Variants in DEPDC1 observed in about 807,000 individuals in gnomAD.
DEPDC1 encodes the protein DEP domain containing 1.
DEPDC1 carries 66 observed loss-of-function variants against 86.8 expected under a neutral mutation model. The ratio of observed to expected loss-of-function variants is 0.76; its 90% CI spans 0.62 to 0.93. DEPDC1 has a LOEUF of 0.93. Among genes scored for constraint, DEPDC1 ranks in the 40% least tolerant of loss-of-function variants. The pLI is 0.00. For missense variants in DEPDC1, 792 were observed against 935.7 expected (o/e 0.85, Z 2.00); for synonymous variants, 255 against 314.9 (o/e 0.81, Z 2.02).
intron 10 of DEPDC1, among the ~76,000 whole-genome samples, chr1:68,478,560 T>C (rs887358116): frequency 2.6e-5 from 4 of 151,768 alleles, no homozygotes; most frequent in Admixed American, 6.6e-5. Flanking sequence ...ATTAGAATGG[T>C]ATGTATGGGA....
Position 68,484,109 on chromosome 1 carries a change from G to C in DEPDC1, c.770-19C>G. The C allele has an allele frequency of 6.6e-7, 1 of 1,505,500 alleles. No individual in the cohort carries two copies. The allele number at this position is 1,505,500 out of a possible 1,614,324, so 93.3% of individuals were successfully genotyped here. ...CTTGGCCCTAAGAAGTAGAAGGCAA[G>C]AGAAAAAGGTAAAGTATATTTTAAT... On this transcript the variant is annotated intron_variant, in intron 6 of 11. Coordinates refer to ENST00000456315, the MANE Select transcript of DEPDC1 (RefSeq NM_001114120.3).
chr1:68,486,874 T>A, intron 6 of DEPDC1, 63 bp downstream of exon 6: 1 of 1,310,426 alleles, frequency 7.6e-7, no homozygotes, highest in Non-Finnish European at 9.8e-7. Flanking sequence ...TTAAATACTA[T>A]CAATATAACA....
chr1:68,481,593 TAAATGAGGTTGC>T lies in DEPDC1; in HGVS notation c.1770_1781del (p.Gln591_Leu594del), dbSNP rs1299476697. 1 of 1,600,614 alleles carries T rather than the reference TAAATGAGGTTGC, an allele frequency of 6.2e-7. No individual in the cohort carries two copies. The highest frequency in any genetic ancestry group is 8.5e-7 in the Non-Finnish European group (1 of 1,173,590). On this transcript the variant is annotated inframe_deletion, in exon 9 of 12. Transcript: ENST00000456315. ...GTAGAGCATCGATGGCAACCCTCTC[TAAATGAGGTTGC>T]AGCAAGCCTAGAATACAAAAATACC...
intron 10 of DEPDC1, among the ~76,000 whole-genome samples, chr1:68,478,933 T>C (rs893563128): frequency 2.7e-5 from 4 of 150,280 alleles, no homozygotes; most frequent in African/African-American, 7.3e-5. Flanking sequence ...GAAGGAGCCA[T>C]TGTCAAACAC....
intron 1 of DEPDC1, among the ~76,000 whole-genome samples, chr1:68,495,950 G>A (rs772726185): frequency 2.6e-5 from 4 of 152,168 alleles, no homozygotes; most frequent in Non-Finnish European, 4.4e-5. Flanking sequence ...ACTACTGATT[G>A]AGGTTCCTTC....
rs189472416 is a variant in DEPDC1, at chr1:68,492,493, G to C, written c.314+1937C>G. On this transcript the variant is annotated intron_variant, in intron 2 of 11. Transcript: ENST00000456315. ...AGGTCAAGGTGGGTGGATCCCTTGA[G>C]CTCAGGAGTTTGAGACCAGCCTGGG... Among the ~76,000 whole-genome samples the C allele has an allele frequency of 2.0e-5, 3 of 152,048 alleles. No homozygotes were observed. The East Asian group carries it at 5.8e-4, about 30-fold the overall frequency.
intron 9 of DEPDC1, among the ~76,000 whole-genome samples, chr1:68,480,656 T>A (rs1356142357): frequency 6.6e-6 from 1 of 151,998 alleles, no homozygotes. Context: ...ACCTTCCCAG[T>A]CATGTCTCTG....
In DEPDC1 at chr1:68,481,429, A is replaced by C; in HGVS notation, c.1935+11T>G. Reference sequence around the variant, plus strand: ...AATCAGACTTATTCTTTCTATAAGAAATCAACTTACCAGTGACCTCGTACC... The same window carrying C: ...AATCAGACTTATTCTTTCTATAAGACATCAACTTACCAGTGACCTCGTACC... On this transcript the variant is annotated intron_variant, in intron 9 of 11. Transcript: ENST00000456315. 1 of 1,605,336 alleles carries C rather than the reference A, an allele frequency of 6.2e-7. No homozygotes were observed. The highest frequency in any genetic ancestry group is 1.3e-5 in the African/African-American group (1 of 74,580).
chr1:68,480,467 A>G (rs1305903173), intron 9 of DEPDC1, among the ~76,000 whole-genome samples: 2 of 151,990 alleles, frequency 1.3e-5, no homozygotes, highest in African/African-American at 2.4e-5. Context: ...TTAGCCTTGT[A>G]GAGCTCATCT....
In DEPDC1 at chr1:68,474,230, T is replaced by TG. The variant is rs1172843587; in HGVS notation, c.*2701dup. On this transcript the variant is annotated 3_prime_UTR_variant, in exon 12 of 12. Coordinates refer to ENST00000456315, the MANE Select transcript of DEPDC1 (RefSeq NM_001114120.3). Reference sequence around the variant, plus strand: ...GAGGAAAGGACATAAAAATCAAGCGTGGGCTTGCTAAATTCAAGATTTAAA... The same window carrying TG: ...GAGGAAAGGACATAAAAATCAAGCGTGGGGCTTGCTAAATTCAAGATTTAAA... The TG allele has an allele frequency of 1.3e-5, 2 of 152,076 alleles. No individual in the cohort carries two copies. Among genetic ancestry groups the TG allele is most frequent in the African/African-American group, 4.8e-5 (2 of 41,426 alleles). The allele number at this position is 152,076 out of a possible 1,614,324, so 9.4% of individuals were successfully genotyped here. A position where few individuals can be genotyped will look rare whatever the true frequency, so the allele number is the denominator to read the frequency against.
Position 68,477,808 on chromosome 1 carries a change from C to T in DEPDC1, c.2277G>A (p.Glu759=), listed in dbSNP as rs1426261762. ...TTACCTGTTTTAGTTTTTTTCTTTT[C>T]TCCTTTAGAGGTAAACTCCTGTTTT... ...IIKNRSLPLK[E]KRKKLKQFQK... is the part of the protein sequence containing the mutation. Residue 759 remains glutamate, a synonymous_variant, in exon 11 of 12, where the codon GAG becomes GAA. Coordinates refer to ENST00000456315, the MANE Select transcript of DEPDC1 (RefSeq NM_001114120.3). 1 of 1,514,596 alleles carries T rather than the reference C, an allele frequency of 6.6e-7. No homozygotes were observed. Among genetic ancestry groups the T allele is most frequent in the Non-Finnish European group, 8.9e-7 (1 of 1,129,920 alleles). 93.8% of individuals were successfully genotyped at this position (1,514,596 alleles called of 1,614,324 possible).
Position 68,489,553 on chromosome 1 carries a change from T to C in DEPDC1, c.370A>G (p.Lys124Glu). ...TLPRRYPELR[K>E]NNIENFSKDK... is the part of the protein sequence containing the mutation. ...TTGGAAAAGTTCTCTATGTTGTTTT[T>C]TCTCAATTCTGGATACCTTCGTGGT... The change falls in exon 3 of 12, where the codon AAA becomes GAA. Residue 124 changes from lysine to glutamate, a missense_variant. Coordinates refer to ENST00000456315, the MANE Select transcript of DEPDC1 (RefSeq NM_001114120.3). 2 of 1,543,702 alleles carry C rather than the reference T, an allele frequency of 1.3e-6. No homozygotes were observed. Among genetic ancestry groups the C allele is most frequent in the Non-Finnish European group, 1.7e-6 (2 of 1,155,808 alleles).
Position 68,488,883 on chromosome 1 carries a change from C to T in DEPDC1, c.590+33G>A, listed in dbSNP as rs75920332. 280 of 1,239,666 alleles carry T rather than the reference C, an allele frequency of 2.3e-4. 2 individuals are homozygous for T. The East Asian group carries it at 6.4e-3, about 28-fold the overall frequency. The allele number at this position is 1,239,666 out of a possible 1,614,324, so 76.8% of individuals were successfully genotyped here. A position where few individuals can be genotyped will look rare whatever the true frequency, so the allele number is the denominator to read the frequency against. On this transcript the variant is annotated intron_variant, in intron 4 of 11. Transcript: ENST00000456315. ...TGTCAAATTAATAATCAGAACACAT[C>T]AGGAACTTCATTAAAGCTTAATTTT...
chr1:68,476,718 T>C lies in DEPDC1; in HGVS notation c.*214A>G. 1 of 398,422 alleles carries C rather than the reference T, an allele frequency of 2.5e-6. No homozygotes were observed. The highest frequency in any genetic ancestry group is 4.5e-6 in the Non-Finnish European group (1 of 224,692). The allele number at this position is 398,422 out of a possible 1,614,324, so 24.7% of individuals were successfully genotyped here. On this transcript the variant is annotated 3_prime_UTR_variant, in exon 12 of 12. Coordinates refer to ENST00000456315, the MANE Select transcript of DEPDC1 (RefSeq NM_001114120.3). ...GGATAGCTGTGTTAAAAACAAAAAG[T>C]ATTTGGTATCATCTATTGTTATGTG... is the stretch of plus-strand genomic sequence containing the variant.
chr1:68,494,269 T>G (rs1323621530), intron 2 of DEPDC1, among the ~76,000 whole-genome samples, 161 bp downstream of exon 2: 1 of 152,206 alleles, frequency 6.6e-6, no homozygotes, highest in Non-Finnish European at 1.5e-5. Context: ...AACTTTCACA[T>G]TACAATTTTT....
At chr1:68,477,350 A>G (rs1646123421) in intron 11 of DEPDC1, among the ~76,000 whole-genome samples, 1 of 151,722 alleles carries the variant, frequency 6.6e-6, no homozygotes, top group South Asian at 2.1e-4. Flanking sequence ...TATGAAGGGC[A>G]TAGGCATCTA....
At chr1:68,478,699 T>G (rs1280492068) in intron 10 of DEPDC1, among the ~76,000 whole-genome samples, 2 of 152,024 alleles carry the variant, frequency 1.3e-5, no homozygotes, top group Non-Finnish European at 2.9e-5. Context: ...CTTCACCTTT[T>G]GTGAAGAATA....
chr1:68,497,051 C>A lies in DEPDC1; in HGVS notation c.-52G>T, dbSNP rs1200719359. The A allele has an allele frequency of 2.6e-5, 41 of 1,598,314 alleles. No homozygotes were observed. The highest frequency in any genetic ancestry group is 3.2e-5 in the Non-Finnish European group (37 of 1,168,400). Reference sequence around the variant, plus strand: ...ATGGCGGCGAAGGCGACACTCAGGCCCAGCGGCCGCGGCAGTGGCGAGTCT... The same window carrying A: ...ATGGCGGCGAAGGCGACACTCAGGCACAGCGGCCGCGGCAGTGGCGAGTCT... On this transcript the variant is annotated 5_prime_UTR_variant, in exon 1 of 12. Coordinates refer to ENST00000456315, the MANE Select transcript of DEPDC1 (RefSeq NM_001114120.3).
intron 6 of DEPDC1, among the ~76,000 whole-genome samples, chr1:68,485,611 C>A (rs1429002456): frequency 6.6e-6 from 1 of 152,022 alleles, no homozygotes; most frequent in Non-Finnish European, 1.5e-5. Flanking sequence ...TCCCTGAAGA[C>A]CAGATGTCAG....
Sources: gnomAD v4.1 joint callset for allele counts (sites outside exome capture counted in the v4.1 genomes callset) on GRCh38, gnomAD v4.1.1 for gene constraint, MANE v1.5 for transcripts, NCBI Gene and HGNC (gene_info 2026-07-23, HGNC 2026-07-21) for gene names.